CAMK1D: variants seen among roughly 807,000 people sequenced by gnomAD.
The protein encoded by CAMK1D is calcium/calmodulin dependent protein kinase ID.
A neutral mutation model predicts 47.7 loss-of-function variants in CAMK1D; 9 were observed. That is an observed-to-expected ratio of 0.19 (90% CI 0.11 to 0.33). CAMK1D has a LOEUF of 0.33. Among genes scored for constraint, CAMK1D ranks in the 10% least tolerant of loss-of-function variants. The pLI is 1.00. For missense variants in CAMK1D, 291 were observed against 488.7 expected (o/e 0.60, Z 3.81); for synonymous variants, 184 against 184.9 (o/e 0.99, Z 0.04).
intron 1 of CAMK1D, among the ~76,000 whole-genome samples, chr10:12,392,456 G>A (rs1211607209): frequency 6.6e-6 from 1 of 151,792 alleles, no homozygotes; most frequent in Non-Finnish European, 1.5e-5. Context: ...GCATCATACA[G>A]TACTTAGCCT....
intron 3 of CAMK1D, among the ~76,000 whole-genome samples, chr10:12,711,829 G>T (rs961089773): frequency 6.6e-6 from 1 of 152,192 alleles, no homozygotes; most frequent in African/African-American, 2.4e-5. Flanking sequence ...CAGCAGTGAT[G>T]ATCAAACGTT....
intron 2 of CAMK1D, among the ~76,000 whole-genome samples, chr10:12,623,231 CCCTT>C (rs1279990549): frequency 8.8e-4 from 3 of 3,408 alleles, no homozygotes; most frequent in East Asian, 8.8e-3. Context: ...CTCCCTCCCT[CCCTT>C]CCTCCCTTCC....
intron 1 of CAMK1D, among the ~76,000 whole-genome samples, chr10:12,369,214 T>C (rs1837938242): frequency 6.6e-6 from 1 of 152,168 alleles, no homozygotes. Context: ...CACTTAAATA[T>C]GAGAGACGAG....
chr10:12,353,646 T>G (rs1173455115), intron 1 of CAMK1D, among the ~76,000 whole-genome samples: 1 of 152,184 alleles, frequency 6.6e-6, no homozygotes, highest in Non-Finnish European at 1.5e-5. Flanking sequence ...GGTTGTCTGA[T>G]GCACCTCTGA....
intron 3 of CAMK1D, among the ~76,000 whole-genome samples, chr10:12,696,160 G>T (rs549181357): frequency 2.3e-4 from 35 of 152,180 alleles, no homozygotes; most frequent in Non-Finnish European, 3.7e-4. Flanking sequence ...CTTTTGTCTT[G>T]TAAGTAGACA....
chr10:12,488,202 G>A (rs1470703843), intron 1 of CAMK1D, among the ~76,000 whole-genome samples: 1 of 152,032 alleles, frequency 6.6e-6, no homozygotes, highest in Non-Finnish European at 1.5e-5. Context: ...TTTTTCTGAG[G>A]ATGGAGGCCT....
At chr10:12,805,736 G>A (rs1348701509) in intron 6 of CAMK1D, among the ~76,000 whole-genome samples, 1 of 152,220 alleles carries the variant, frequency 6.6e-6, no homozygotes, top group Non-Finnish European at 1.5e-5. Context: ...TGTGAAGAAT[G>A]AGAACTGTTT....
chr10:12,423,705 C>T (rs11257786), intron 1 of CAMK1D, among the ~76,000 whole-genome samples: 28,893 of 152,082 alleles, frequency 0.19, 2,969 homozygotes, highest in Admixed American at 0.28. Context: ...CAGCTTGAAA[C>T]GATAGTTTTG....
At chr10:12,590,717 A>G (rs1174989991) in intron 2 of CAMK1D, among the ~76,000 whole-genome samples, 2 of 152,244 alleles carry the variant, frequency 1.3e-5, no homozygotes, top group Admixed American at 1.3e-4. Context: ...CCTGTAGAAT[A>G]AAAGAGCCAT....
chr10:12,766,153 C>G (rs1273869976), intron 4 of CAMK1D, among the ~76,000 whole-genome samples: 1 of 151,672 alleles, frequency 6.6e-6, no homozygotes, highest in Non-Finnish European at 1.5e-5. Flanking sequence ...TTAGTAGAGA[C>G]AGGGTTTCTC....
intron 2 of CAMK1D, among the ~76,000 whole-genome samples, chr10:12,585,597 T>C (rs528656654): frequency 9.6e-4 from 146 of 152,336 alleles, no homozygotes; most frequent in African/African-American, 3.4e-3. Context: ...TCTTACATGG[T>C]GGCAAACAAG....
At chr10:12,361,466 C>G (rs982505633) in intron 1 of CAMK1D, among the ~76,000 whole-genome samples, 3 of 150,424 alleles carry the variant, frequency 2.0e-5, no homozygotes, top group Non-Finnish European at 2.9e-5. Context: ...AGGATGGTCT[C>G]GATCTCCTGA....
intron 2 of CAMK1D, among the ~76,000 whole-genome samples, chr10:12,607,416 T>C (rs1470291983): frequency 6.6e-6 from 1 of 152,196 alleles, no homozygotes; most frequent in Non-Finnish European, 1.5e-5. Context: ...TTGTGGGTTC[T>C]AGGGAGAGAC....
At chr10:12,757,544 C>T (rs1189954630) in intron 3 of CAMK1D, among the ~76,000 whole-genome samples, 4 of 152,160 alleles carry the variant, frequency 2.6e-5, no homozygotes, top group Non-Finnish European at 5.9e-5. Context: ...GTTGCCATGA[C>T]GCCAAACTTA....
chr10:12,753,448 G>T (rs1222955218), intron 3 of CAMK1D, among the ~76,000 whole-genome samples: 1 of 152,210 alleles, frequency 6.6e-6, no homozygotes, highest in Non-Finnish European at 1.5e-5. Flanking sequence ...TAGGTTGATA[G>T]CTCTGAACCT....
chr10:12,476,156 G>A (rs931402166), intron 1 of CAMK1D, among the ~76,000 whole-genome samples: 4 of 152,078 alleles, frequency 2.6e-5, no homozygotes, highest in African/African-American at 9.7e-5. Context: ...GCTGGGCATG[G>A]TGGCACGTGC....
rs139923850 is a variant in CAMK1D, at chr10:12,408,137, C to T, written c.92+58227C>T. ...CCTCCCAGAGTGCTGGGATTACAGG[C>T]ATAAGCCACCGCGCCTGGCCTCTTT... is the stretch of plus-strand genomic sequence containing the variant. On this transcript the variant is annotated intron_variant, in intron 1 of 10. Transcript: ENST00000619168. Among the ~76,000 whole-genome samples the T allele has an allele frequency of 9.5e-3, 1,444 of 151,910 alleles. 23 individuals carry two copies. Among genetic ancestry groups the T allele is most frequent in the African/African-American group, 0.034 (1,391 of 41,454 alleles).
chr10:12,357,804 T>C (rs774843271), intron 1 of CAMK1D, among the ~76,000 whole-genome samples: 9 of 152,160 alleles, frequency 5.9e-5, no homozygotes, highest in Non-Finnish European at 1.3e-4. Context: ...TATGCCCCTT[T>C]GACTTTCTGT....
intron 1 of CAMK1D, among the ~76,000 whole-genome samples, chr10:12,521,420 G>T (rs1463397511): frequency 6.6e-6 from 1 of 152,084 alleles, no homozygotes; most frequent in Non-Finnish European, 1.5e-5. Context: ...TACATAATCT[G>T]ATATTGATTT....
Sources: allele counts gnomAD v4.1 joint callset (sites outside exome capture counted in the v4.1 genomes callset), GRCh38; gene constraint gnomAD v4.1.1; transcripts MANE v1.5; gene names NCBI Gene and HGNC (gene_info 2026-07-23, HGNC 2026-07-21).